Variants in COPS3 observed in about 807,000 individuals in gnomAD.
COPS3 encodes COP9 signalosome complex subunit 3.
Under a neutral mutation model 58.2 loss-of-function variants are expected in COPS3, and 10 were observed. The ratio of observed to expected loss-of-function variants is 0.17; its 90% CI spans 0.11 to 0.29. COPS3 has a LOEUF of 0.29. Ranked by LOEUF, COPS3 falls within the 10% of genes least tolerant of loss-of-function variation. The pLI, the probability that COPS3 is intolerant of heterozygous loss-of-function variation, is 1.00. For synonymous variants in COPS3, 187 were observed against 181.7 expected, an observed-to-expected ratio of 1.03 and a Z score of -0.24; for missense variants, 333 against 510.1, an observed-to-expected ratio of 0.65 and a Z score of 3.34.
intron 4 of COPS3, among the ~76,000 whole-genome samples, chr17:17,268,272 A>AT (rs200323135): frequency 0.012 from 1,864 of 152,342 alleles, 51 homozygotes; most frequent in African/African-American, 0.042. Flanking sequence ...ACAGTTTATT[A>AT]TATTAACATC....
intron 10 of COPS3, among the ~76,000 whole-genome samples, chr17:17,248,643 G>A (rs2047774576): frequency 6.6e-6 from 1 of 152,086 alleles, no homozygotes; most frequent in African/African-American, 2.4e-5. Context: ...AGCCCATTCT[G>A]GGTTTCTTTT....
intron 1 of COPS3, chr17:17,280,797 G>T: frequency 7.9e-7 from 1 of 1,260,438 alleles, no homozygotes; most frequent in South Asian, 1.7e-5. Context: ...AGAGACAGAA[G>T]GAACCAATAG....
chr17:17,267,571 G>A (rs1273812498), intron 5 of COPS3, among the ~76,000 whole-genome samples: 3 of 150,134 alleles, frequency 2.0e-5, no homozygotes, highest in South Asian at 2.1e-4. Context: ...CCGGGAGGCA[G>A]AGGTTGCAGT....
chr17:17,246,900 T>C lies in COPS3; in HGVS notation c.*198A>G. ...GAGGATAAATAAATCCACGACAGAC[T>C]TTAAAGTTTGCAAATCTGTTTCCTT... On this transcript the variant is annotated 3_prime_UTR_variant, in exon 12 of 12. Transcript: ENST00000268717. The C allele has an allele frequency of 1.7e-6, 1 of 590,692 alleles. No homozygotes were observed. The highest frequency in any genetic ancestry group is 2.8e-5 in the East Asian group (1 of 36,084). 36.6% of individuals were successfully genotyped at this position (590,692 alleles called of 1,614,324 possible). A position where few individuals can be genotyped will look rare whatever the true frequency, so the allele number is the denominator to read the frequency against.
At chr17:17,259,711 T>C (rs559080654) in intron 8 of COPS3, among the ~76,000 whole-genome samples, 6 of 152,156 alleles carry the variant, frequency 3.9e-5, no homozygotes, top group African/African-American at 1.4e-4. Flanking sequence ...CTGGCCAACA[T>C]AGCAAAACCT....
At chr17:17,268,060 AT>A (rs1295831465) in intron 4 of COPS3, 83 bp from the exon 5 acceptor site, 1 of 1,511,854 alleles carries the variant, frequency 6.6e-7, no homozygotes, top group African/African-American at 1.4e-5. Flanking sequence ...TAAATAAAAA[AT>A]AACACTAATT....
intron 6 of COPS3, among the ~76,000 whole-genome samples, chr17:17,263,842 C>A (rs1461071186): frequency 1.3e-5 from 2 of 152,172 alleles, no homozygotes; most frequent in Non-Finnish European, 2.9e-5. Context: ...ACCCACTCAT[C>A]CTGATATTTC....
At chr17:17,247,970 C>T (rs6502567) in intron 10 of COPS3, 4,408 of 157,300 alleles carry the variant, frequency 0.028, 210 homozygotes, top group African/African-American at 0.1. Flanking sequence ...CACAAAACTC[C>T]CCCTTCAGCC....
intron 1 of COPS3, among the ~76,000 whole-genome samples, chr17:17,279,901 CA>C (rs1431105903): frequency 6.6e-6 from 1 of 152,186 alleles, no homozygotes; most frequent in African/African-American, 2.4e-5. Flanking sequence ...GAATTCGGTA[CA>C]TTCATACGCA....
At chr17:17,256,178 CA>C (rs1230003892) in intron 8 of COPS3, among the ~76,000 whole-genome samples, 2 of 145,926 alleles carry the variant, frequency 1.4e-5, no homozygotes, top group Non-Finnish European at 1.5e-5. Flanking sequence ...GACTCTGTCA[CA>C]AAAAAAAATA....
At chr17:17,261,774 G>A (rs990695413) in intron 7 of COPS3, 192 bp downstream of exon 7, 13 of 519,962 alleles carry the variant, frequency 2.5e-5, no homozygotes, top group Admixed American at 3.6e-5. Flanking sequence ...GTTTGAAAAC[G>A]GGTTCCTGAG....
chr17:17,257,837 A>G lies in COPS3; in HGVS notation c.936+2464T>C, dbSNP rs549175056. Among the ~76,000 whole-genome samples, 9 of 152,070 alleles carry G rather than the reference A, an allele frequency of 5.9e-5. No individual in the cohort carries two copies. The South Asian group carries it at 1.9e-3, about 31-fold the overall frequency. ...GAAAAAGAAAAAGAAAAAGAAAAAC[A>G]TCTACTAAAATGTTAACACAAAGTA... On this transcript the variant is annotated intron_variant, in intron 8 of 11. Transcript: ENST00000268717.
chr17:17,272,450 A>C (rs1477890915), intron 2 of COPS3, among the ~76,000 whole-genome samples: 1 of 152,152 alleles, frequency 6.6e-6, no homozygotes, highest in Non-Finnish European at 1.5e-5. Flanking sequence ...ATGTTTATAC[A>C]AATCCTGAAA....
intron 2 of COPS3, among the ~76,000 whole-genome samples, chr17:17,274,348 A>G (rs2048413832): frequency 6.6e-6 from 1 of 152,314 alleles, no homozygotes; most frequent in South Asian, 2.1e-4. Flanking sequence ...ATGTATGGTG[A>G]CATTGTTAAG....
Position 17,264,915 on chromosome 17 carries a change from A to C in COPS3, c.508T>G (p.Cys170Gly). The C allele has an allele frequency of 6.2e-7, 1 of 1,613,954 alleles. No individual in the cohort carries two copies. The highest frequency in any genetic ancestry group is 8.5e-7 in the Non-Finnish European group (1 of 1,179,904). ...PYLDVDMMDI[C>G]KENGAYDAKH... The stretch of plus-strand genomic sequence containing the variant: ...GCATCATAGGCTCCATTCTCTTTAC[A>C]GATATCCATCATATCCACGTCAAGA... The change falls in exon 6 of 12, where the codon TGT (cysteine) becomes GGT (glycine). Residue 170 changes from cysteine (C) to glycine (G), a missense_variant. By Grantham distance (159) the Cys-to-Gly change is radical. Transcript: ENST00000268717.
rs1307246084 is a variant in COPS3 at position 17,247,513 on chromosome 17, C to T, written c.1185G>A (p.Gln395=). ...ELDERLKAMD[Q]EITVNPQFVQ... ...CAAACTGAGGGTTCACTGTGATCTC[C>T]TGGTCCATGGCTTTCAGCCGCTCAT... Residue 395 remains glutamine (Q), a synonymous_variant, in exon 11 of 12, where the codon CAG becomes CAA. Transcript: ENST00000268717. 1 of 1,614,254 alleles carries T rather than the reference C, an allele frequency of 6.2e-7. No individual in the cohort carries two copies. The highest frequency in any genetic ancestry group is 1.7e-5 in the Admixed American group (1 of 60,034).
chr17:17,262,236 T>C (rs951308913), intron 6 of COPS3, 130 bp from the exon 7 acceptor site: 43 of 828,598 alleles, frequency 5.2e-5, no homozygotes, highest in Non-Finnish European at 7.0e-5. Context: ...ATAACAGCCT[T>C]ATTGAGATAG....
chr17:17,280,853 A>G, intron 1 of COPS3: 1 of 1,169,594 alleles, frequency 8.5e-7, no homozygotes, highest in African/African-American at 1.6e-5. Flanking sequence ...CAAACTGTCA[A>G]GCAAAGCGCC....
chr17:17,280,893 G>T, intron 1 of COPS3: 1 of 980,000 alleles, frequency 1.0e-6, no homozygotes, highest in South Asian at 1.8e-5. Flanking sequence ...CGGGGGGAGG[G>T]GGCTCCCGGC....
Sources: allele counts gnomAD v4.1 joint callset (sites outside exome capture counted in the v4.1 genomes callset), GRCh38; gene constraint gnomAD v4.1.1; transcripts MANE v1.5; gene names NCBI Gene and HGNC (gene_info 2026-07-23, HGNC 2026-07-21).